TPO: variants seen among roughly 807,000 people sequenced by gnomAD.
The protein encoded by TPO is thyroid peroxidase, also known as thyroid microsomal antigen.
TPO carries 78 observed loss-of-function variants against 96.9 expected under a neutral mutation model. That is an observed-to-expected ratio of 0.81 (90% confidence interval 0.67 to 0.97). The LOEUF is 0.97. Ranked by LOEUF, TPO falls within the 50% of genes least tolerant of loss-of-function variation. The pLI, the probability that TPO is intolerant of heterozygous loss-of-function variation, is 0.00. For missense variants in TPO, 1,252 were observed against 1,274.8 expected (o/e 0.98, Z 0.27); for synonymous variants, 547 against 538.0 (o/e 1.02, Z -0.23).
intron 1 of TPO, among the ~76,000 whole-genome samples, chr2:1,396,715 G>T (rs1276090275): frequency 6.6e-6 from 1 of 152,180 alleles, no homozygotes; most frequent in Non-Finnish European, 1.5e-5. Flanking sequence ...ATGAGCCCCA[G>T]GTTAGAAGCT....
chr2:1,540,427 TATATC>T (rs1439457169), intron 15 of TPO, among the ~76,000 whole-genome samples, 162 bp from the exon 16 acceptor site: 3 of 151,162 alleles, frequency 2.0e-5, no homozygotes, highest in Non-Finnish European at 4.4e-5. Flanking sequence ...TTTTCCAAAA[TATATC>T]AGATTATGAT....
At chr2:1,426,389 G>T (rs1446284751) in intron 3 of TPO, among the ~76,000 whole-genome samples, 1 of 151,978 alleles carries the variant, frequency 6.6e-6, no homozygotes, top group African/African-American at 2.4e-5. Context: ...CTAGATGCCG[G>T]GATACAGAGA....
At chr2:1,526,993 CAACCTCCTCAAATCCCCCCCACTG>C (rs1340759312) in intron 15 of TPO, among the ~76,000 whole-genome samples, 2 of 143,272 alleles carry the variant, frequency 1.4e-5, no homozygotes, top group African/African-American at 5.5e-5. Flanking sequence ...ACACTGTGTG[CAACCTCCTCAAATCCCCCCCACTG>C]TGTGCAACCT....
At chr2:1,451,474 C>G (rs1203338857) in intron 5 of TPO, among the ~76,000 whole-genome samples, 6 of 152,182 alleles carry the variant, frequency 3.9e-5, no homozygotes, top group Non-Finnish European at 8.8e-5. Flanking sequence ...AGACTTCACT[C>G]CTTGTATTTT....
chr2:1,416,826 A>G (rs1259883081), intron 2 of TPO, among the ~76,000 whole-genome samples: 2 of 152,202 alleles, frequency 1.3e-5, no homozygotes, highest in African/African-American at 4.8e-5. Context: ...ACCTGTGCTC[A>G]CAGACATGTG....
chr2:1,411,624 A>G (rs1662349244), upstream of TPO, among the ~76,000 whole-genome samples: 1 of 152,130 alleles, frequency 6.6e-6, no homozygotes, highest in Non-Finnish European at 1.5e-5. Context: ...TCAGCTCCGG[A>G]GGTCATAGAT....
chr2:1,531,044 C>A (rs1189056543), intron 15 of TPO, among the ~76,000 whole-genome samples: 1 of 109,582 alleles, frequency 9.1e-6, no homozygotes, highest in Non-Finnish European at 1.9e-5. Flanking sequence ...TGTGCAACCC[C>A]CCCAAATACC....
At position 1,493,382 on chromosome 2, in the gene TPO, G is replaced by T. The variant is rs1042059653; in HGVS notation, c.1769-420G>T. 1.3e-5 allele frequency among the ~76,000 whole-genome samples: 2 copies of T among 152,168 alleles called. 1 individual carries two copies. Among genetic ancestry groups the T allele is most frequent in the African/African-American group, 4.8e-5 (2 of 41,438 alleles). ...GGACTCAGCATTCTTGCTGTCTCCA[G>T]CTCCTTTATGAACAAACCTGCAAAA... On this transcript the variant is annotated intron_variant, in intron 10 of 16. Transcript: ENST00000329066.
At chr2:1,475,425 T>C (rs1047472293) in intron 7 of TPO, among the ~76,000 whole-genome samples, 1 of 151,662 alleles carries the variant, frequency 6.6e-6, no homozygotes, top group Non-Finnish European at 1.5e-5. Flanking sequence ...TTTTTTTTTT[T>C]CTTTTTTCTT....
rs780536980 is a variant in TPO, at chr2:1,493,901, T to C, written c.1868T>C (p.Leu623Pro). 6.2e-7 allele frequency: 1 copy of C among 1,614,206 alleles called. No individual in the cohort carries two copies. The highest frequency in any genetic ancestry group is 8.5e-7 in the Non-Finnish European group (1 of 1,180,034). Residue 623 changes from leucine (L) to proline (P), a missense_variant, in exon 11 of 17, where the codon CTG becomes CCG. Transcript: ENST00000329066. ...AGCAGGAGCGTGGCCGACAAGATCCTGGACTTGTACAAGCATCCTGACAAC... is the reference window on the plus strand; with the variant it reads ...AGCAGGAGCGTGGCCGACAAGATCCCGGACTTGTACAAGCATCCTGACAAC... ...IASRSVADKI[L>P]DLYKHPDNID... is the part of the protein sequence containing the mutation.
At chr2:1,391,152 CTATGG>C (rs1247523471) in intron 1 of TPO, among the ~76,000 whole-genome samples, 1 of 152,156 alleles carries the variant, frequency 6.6e-6, no homozygotes, top group African/African-American at 2.4e-5. Flanking sequence ...TCTAGATTTT[CTATGG>C]TTTTAGGTCT....
At chr2:1,422,329 G>GCGCCGCGCTGGACAGACCTCGTGCAGC (rs796601069) in intron 2 of TPO, among the ~76,000 whole-genome samples, 2 of 83,536 alleles carry the variant, frequency 2.4e-5, no homozygotes, top group African/African-American at 9.8e-5. Context: ...CCTCGTGCAG[G>GCGCCGCGCTGGACAGACCTCGTGCAGC]CGCCTCTCCT....
At chr2:1,522,204 CGGCCCGCCACCG>C in intron 15 of TPO, among the ~76,000 whole-genome samples, 1 of 144,916 alleles carries the variant, frequency 6.9e-6, no homozygotes, top group South Asian at 2.3e-4. Context: ...TACCCCACAC[CGGCCCGCCACCG>C]TGCCCTCACA....
At chr2:1,470,016 A>G (rs1669248014) in intron 7 of TPO, among the ~76,000 whole-genome samples, 1 of 152,106 alleles carries the variant, frequency 6.6e-6, no homozygotes, top group Non-Finnish European at 1.5e-5. Flanking sequence ...AATCCTCCTC[A>G]TGTTGGAATT....
At chr2:1,532,539 C>CG in intron 15 of TPO, among the ~76,000 whole-genome samples, 1 of 138,582 alleles carries the variant, frequency 7.2e-6, no homozygotes, top group Non-Finnish European at 1.5e-5. Context: ...TCAAATACCC[C>CG]ACTGTCAGCA....
chr2:1,477,522 C>T lies in TPO; in HGVS notation c.1256C>T (p.Ala419Val), dbSNP rs774820583. 2 of 1,533,178 alleles carry T rather than the reference C, an allele frequency of 1.3e-6. No individual in the cohort carries two copies. The highest frequency in any genetic ancestry group is 2.8e-5 in the African/African-American group (2 of 72,224). The allele number at this position is 1,533,178 out of a possible 1,614,324, so 95.0% of individuals were successfully genotyped here. A position where few individuals can be genotyped will look rare whatever the true frequency, so the allele number is the denominator to read the frequency against. The change falls in exon 8 of 17, where the codon GCG becomes GTG. Residue 419 changes from alanine to valine, a missense_variant. By Grantham distance (64) the Ala-to-Val change is moderately conservative (BLOSUM62 0). Transcript: ENST00000329066. ...CTGCGCGAGCACAACCGCCTGGCCG[C>T]GGCGCTCAAGGCCCTCAATGCGCAC... ...LWLREHNRLA[A>V]ALKALNAHWS...
Position 1,503,979 on chromosome 2 carries a change from C to G in TPO, c.2418C>G (p.Pro806=). Residue 806 remains proline (P), a synonymous_variant, in exon 14 of 17, where the codon CCC becomes CCG. Coordinates refer to ENST00000329066, the MANE Select transcript of TPO (RefSeq NM_001206744.2). The part of the protein sequence containing the change: ...DVNECADGAH[P]PCHASARCRN... ...ACGAGTGTGCAGACGGTGCCCACCC[C>G]CCCTGCCACGCCTCTGCGAGGTGCA... 6.2e-7 allele frequency: 1 copy of G among 1,614,176 alleles called. No individual in the cohort carries two copies. The highest frequency in any genetic ancestry group is 8.5e-7 in the Non-Finnish European group (1 of 1,180,018).
intron 1 of TPO, among the ~76,000 whole-genome samples, chr2:1,381,397 T>A (rs1458685645): frequency 1.3e-5 from 2 of 152,092 alleles, no homozygotes; most frequent in Non-Finnish European, 2.9e-5. Flanking sequence ...AAAGGACATA[T>A]GAAAAGAAAG....
chr2:1,385,271 T>G (rs1251296527), intron 1 of TPO, among the ~76,000 whole-genome samples: 2 of 152,204 alleles, frequency 1.3e-5, no homozygotes, highest in African/African-American at 2.4e-5. Flanking sequence ...TTGGAATAGT[T>G]TCAGAAGGAA....
Sources: gnomAD v4.1 joint callset for allele counts (sites outside exome capture counted in the v4.1 genomes callset) on GRCh38, gnomAD v4.1.1 for gene constraint, MANE v1.5 for transcripts, NCBI Gene and HGNC (gene_info 2026-07-23, HGNC 2026-07-21) for gene names.